SMIM10L3: variants seen among roughly 807,000 people sequenced by gnomAD.
The protein encoded by SMIM10L3 is salivary gland specific protein SAGSIN1.
the SMIM10L3 span, among the ~76,000 whole-genome samples, chr7:6,336,032 G>A: frequency 6.6e-6 from 1 of 151,892 alleles, no homozygotes; most frequent in Non-Finnish European, 1.5e-5. Context: ...AATTAATGGG[G>A]CATGGTGGTG....
the SMIM10L3 span, among the ~76,000 whole-genome samples, chr7:6,344,219 T>TA: frequency 4.1e-4 from 62 of 152,238 alleles, no homozygotes; most frequent in East Asian, 0.011. Context: ...TACCTCCCTT[T>TA]ACCAGAAAGC....
At chr7:6,333,211 T>C in the SMIM10L3 span, among the ~76,000 whole-genome samples, 22 of 137,364 alleles carry the variant, frequency 1.6e-4, no homozygotes, top group African/African-American at 5.6e-4. Flanking sequence ...GGGGAGAAAA[T>C]GAAGGATGCA....
the SMIM10L3 span, among the ~76,000 whole-genome samples, chr7:6,331,648 G>C: frequency 6.6e-6 from 1 of 151,984 alleles, no homozygotes; most frequent in African/African-American, 2.4e-5. Flanking sequence ...CCAAAGTACT[G>C]GGATTACAGG....
chr7:6,334,768 G>C, the SMIM10L3 span, among the ~76,000 whole-genome samples: 1 of 148,692 alleles, frequency 6.7e-6, no homozygotes, highest in South Asian at 2.2e-4. Context: ...GCCCAGCCTG[G>C]ATAGTTAGTT....
the SMIM10L3 span, among the ~76,000 whole-genome samples, chr7:6,334,463 G>A: frequency 1.3e-5 from 2 of 151,920 alleles, no homozygotes; most frequent in South Asian, 4.1e-4. Flanking sequence ...TTGAGTCCCA[G>A]AGGCTCTGTC....
chr7:6,337,218 T>C, the SMIM10L3 span, among the ~76,000 whole-genome samples: 1 of 152,102 alleles, frequency 6.6e-6, no homozygotes, highest in South Asian at 2.1e-4. Flanking sequence ...ACTACAGGTG[T>C]ATGCCACCAT....
At chr7:6,333,786 T>C in the SMIM10L3 span, among the ~76,000 whole-genome samples, 2 of 150,536 alleles carry the variant, frequency 1.3e-5, no homozygotes, top group South Asian at 2.1e-4. Flanking sequence ...TTTTTTTTTT[T>C]AATAGAGACA....
chr7:6,343,920 C>G, the SMIM10L3 span, among the ~76,000 whole-genome samples: 6 of 152,134 alleles, frequency 3.9e-5, no homozygotes, highest in African/African-American at 1.4e-4. Flanking sequence ...TAGTCTCACT[C>G]TGTCACCCAT....
At chr7:6,335,292 G>A in the SMIM10L3 span, among the ~76,000 whole-genome samples, 8 of 151,142 alleles carry the variant, frequency 5.3e-5, no homozygotes, top group East Asian at 3.9e-4. Flanking sequence ...GCACAATCTC[G>A]GCTCACTACA....
chr7:6,339,584 C>T, the SMIM10L3 span, among the ~76,000 whole-genome samples: 3 of 151,072 alleles, frequency 2.0e-5, no homozygotes, highest in East Asian at 4.0e-4. Flanking sequence ...CCCAGGTTCA[C>T]GCCATTCCGC....
chr7:6,337,685 G>A, the SMIM10L3 span, among the ~76,000 whole-genome samples: 1 of 151,362 alleles, frequency 6.6e-6, no homozygotes, highest in Non-Finnish European at 1.5e-5. Context: ...ATTTAATAAG[G>A]TAAACATGTA....
At chr7:6,336,714 C>T in the SMIM10L3 span, among the ~76,000 whole-genome samples, 8 of 151,290 alleles carry the variant, frequency 5.3e-5, no homozygotes, top group South Asian at 1.2e-3. Context: ...AGTGCAATGG[C>T]ACAGTCACGG....
At chr7:6,331,831 C>T in the SMIM10L3 span, among the ~76,000 whole-genome samples, 1 of 150,232 alleles carries the variant, frequency 6.7e-6, no homozygotes, top group Admixed American at 6.7e-5. Context: ...ACCACTACCT[C>T]TCAGGTTCGA....
At chr7:6,343,709 G>A in the SMIM10L3 span, among the ~76,000 whole-genome samples, 3 of 151,926 alleles carry the variant, frequency 2.0e-5, no homozygotes. Flanking sequence ...ACAACTGTCT[G>A]CATCATTTTC....
the SMIM10L3 span, among the ~76,000 whole-genome samples, chr7:6,340,199 G>C: frequency 6.6e-6 from 1 of 152,110 alleles, no homozygotes; most frequent in Non-Finnish European, 1.5e-5. Flanking sequence ...CCAGGATTCT[G>C]TGAAGATTCG....
the SMIM10L3 span, among the ~76,000 whole-genome samples, chr7:6,337,662 CAT>C: frequency 6.6e-6 from 1 of 151,348 alleles, no homozygotes; most frequent in Non-Finnish European, 1.5e-5. Flanking sequence ...AACTCAGAAA[CAT>C]AAAAAAATTC....
At chr7:6,347,815 A>G in the SMIM10L3 span, among the ~76,000 whole-genome samples, 1 of 151,470 alleles carries the variant, frequency 6.6e-6, no homozygotes, top group Non-Finnish European at 1.5e-5. Flanking sequence ...CAGCACTGGG[A>G]GGCCAAGATG....
At chr7:6,340,965 T>TAAAAAA in the SMIM10L3 span, among the ~76,000 whole-genome samples, 6 of 87,438 alleles carry the variant, frequency 6.9e-5, no homozygotes, top group Non-Finnish European at 2.1e-5. Flanking sequence ...CTGTCTCTAC[T>TAAAAAA]AAAAAAAAAA....
the SMIM10L3 span, among the ~76,000 whole-genome samples, chr7:6,342,381 C>T: frequency 6.6e-6 from 1 of 151,800 alleles, no homozygotes; most frequent in Non-Finnish European, 1.5e-5. Context: ...CCCGACTCTA[C>T]TAAAAATACA....
Sources: allele counts gnomAD v4.1 joint callset (sites outside exome capture counted in the v4.1 genomes callset), GRCh38; gene constraint gnomAD v4.1.1; transcripts MANE v1.5; gene names NCBI Gene and HGNC (gene_info 2026-07-23, HGNC 2026-07-21).